ARHGAP26: variants seen among roughly 807,000 people sequenced by gnomAD.
ARHGAP26 encodes Rho GTPase activating protein 26.
A neutral mutation model predicts 104.8 loss-of-function variants in ARHGAP26; 38 were observed. The ratio of observed to expected loss-of-function variants is 0.36; its 90% confidence interval spans 0.28 to 0.48. ARHGAP26 has a LOEUF of 0.48. Among genes scored for constraint, ARHGAP26 ranks in the 20% least tolerant of loss-of-function variants. The pLI is 0.99. For synonymous variants in ARHGAP26, 341 were observed against 340.0 expected (o/e 1.00, Z -0.03); for missense variants, 704 against 947.9 (o/e 0.74, Z 3.38).
chr5:143,217,320 G>A (rs1269543977), intron 22 of ARHGAP26, among the ~76,000 whole-genome samples: 1 of 152,174 alleles, frequency 6.6e-6, no homozygotes, highest in Non-Finnish European at 1.5e-5. Flanking sequence ...AGTGGGAAAT[G>A]GATGTGCAAT....
intron 11 of ARHGAP26, among the ~76,000 whole-genome samples, chr5:142,938,689 G>A (rs984292313): frequency 6.6e-6 from 1 of 152,190 alleles, no homozygotes; most frequent in African/African-American, 2.4e-5. Flanking sequence ...GGCTCAGGAA[G>A]CCAGGGGGAC....
intron 4 of ARHGAP26, 138 bp downstream of exon 4, chr5:142,879,583 ACT>A: frequency 2.6e-6 from 2 of 777,168 alleles, no homozygotes; most frequent in South Asian, 3.8e-5. Context: ...TAGGCAGAAA[ACT>A]CTATAGAGCC....
intron 17 of ARHGAP26, among the ~76,000 whole-genome samples, chr5:143,065,543 C>T (rs1787357849): frequency 6.6e-6 from 1 of 152,174 alleles, no homozygotes; most frequent in African/African-American, 2.4e-5. Flanking sequence ...CTTATGTAAC[C>T]TTGCATGTGA....
At chr5:143,146,146 G>A (rs1216766751) in intron 19 of ARHGAP26, among the ~76,000 whole-genome samples, 1 of 152,016 alleles carries the variant, frequency 6.6e-6, no homozygotes, top group Admixed American at 6.6e-5. Flanking sequence ...ATTTTAATAT[G>A]GTATATCTGT....
At chr5:143,088,389 T>G (rs543413952) in intron 17 of ARHGAP26, among the ~76,000 whole-genome samples, 1 of 152,248 alleles carries the variant, frequency 6.6e-6, no homozygotes, top group East Asian at 1.9e-4. Context: ...GATGGTTGTA[T>G]TGGCTGTTGA....
chr5:142,946,356 T>C (rs777729910), intron 11 of ARHGAP26, among the ~76,000 whole-genome samples: 8 of 152,238 alleles, frequency 5.3e-5, no homozygotes, highest in Non-Finnish European at 8.8e-5. Context: ...ACCTCTCACC[T>C]CCAGCAACAG....
intron 19 of ARHGAP26, among the ~76,000 whole-genome samples, chr5:143,142,155 T>TTTTTA (rs1798618142): frequency 1.4e-5 from 2 of 144,456 alleles, no homozygotes; most frequent in Admixed American, 1.4e-4. Flanking sequence ...TTTTTTTTTT[T>TTTTTA]TGAGACAGTC....
At chr5:143,003,307 T>G (rs990680555) in intron 11 of ARHGAP26, among the ~76,000 whole-genome samples, 1 of 152,346 alleles carries the variant, frequency 6.6e-6, no homozygotes, top group Admixed American at 6.5e-5. Flanking sequence ...CACAGAGAAC[T>G]GCGGTAAGTG....
In ARHGAP26 at chr5:142,818,961, TC is replaced by T. The variant is rs548404911; in HGVS notation, c.154+48048del. Among the ~76,000 whole-genome samples, 213 of 152,240 alleles carry T rather than the reference TC, an allele frequency of 1.4e-3. 2 individuals are homozygous for T. The highest frequency in any genetic ancestry group is 5.0e-3 in the African/African-American group (208 of 41,538). On this transcript the variant is annotated intron_variant, in intron 1 of 22. Coordinates refer to ENST00000645722, the MANE Select transcript of ARHGAP26 (RefSeq NM_001135608.3). ...AGGGTGCTCACCCAGCTTCTAGCCT[TC>T]CTTCAACTCCACCTGGACATTGGAG...
chr5:142,942,592 T>A (rs1330232975), intron 11 of ARHGAP26, among the ~76,000 whole-genome samples: 1 of 152,222 alleles, frequency 6.6e-6, no homozygotes, highest in Non-Finnish European at 1.5e-5. Context: ...AAAGGTTTTT[T>A]GTTCCCACTC....
intron 1 of ARHGAP26, among the ~76,000 whole-genome samples, chr5:142,787,536 A>G (rs1758916412): frequency 1.3e-5 from 2 of 152,182 alleles, no homozygotes; most frequent in South Asian, 2.1e-4. Flanking sequence ...GATGGCTTAC[A>G]TCTCCCTCCC....
At position 143,224,216 on chromosome 5, in the gene ARHGAP26, T is replaced by C. The variant is rs990037505; in HGVS notation, c.*1770T>C. ...GTTAGTTGCTCACACACTTAGGCTT[T>C]GATTGCTGAAGAAGTATGTTTAAGA... On this transcript the variant is annotated 3_prime_UTR_variant, in exon 23 of 23. Transcript: ENST00000645722. 8.6e-6 allele frequency: 2 copies of C among 231,648 alleles called. No individual in the cohort carries two copies. The highest frequency in any genetic ancestry group is 2.2e-5 in the African/African-American group (1 of 45,226). The allele number at this position is 231,648 out of a possible 1,614,324, so 14.3% of individuals were successfully genotyped here.
In ARHGAP26 at chr5:142,889,287, C is replaced by T. The variant is rs569336986; in HGVS notation, c.486+3888C>T. ...GGAGGAGAAAAATGAAAAAATTAGA[C>T]GAGGTCTTTGTTCTCATGGACTTTA... On this transcript the variant is annotated intron_variant, in intron 5 of 22. Transcript: ENST00000645722. Among the ~76,000 whole-genome samples the T allele has an allele frequency of 5.9e-5, 9 of 152,252 alleles. No homozygotes were observed. In the South Asian group the frequency reaches 1.0e-3, roughly 18 times the overall value.
At chr5:143,021,062 A>G (rs977334829) in intron 12 of ARHGAP26, among the ~76,000 whole-genome samples, 7 of 152,364 alleles carry the variant, frequency 4.6e-5, no homozygotes, top group Non-Finnish European at 1.0e-4. Context: ...GAAGAAGGAA[A>G]TATGAACTCA....
chr5:142,991,117 C>T (rs538602825), intron 11 of ARHGAP26, among the ~76,000 whole-genome samples: 370 of 152,290 alleles, frequency 2.4e-3, no homozygotes, highest in African/African-American at 8.5e-3. Flanking sequence ...CCACCCAGTT[C>T]GAGCTTCCTG....
At chr5:143,038,522 G>C (rs561451936) in intron 13 of ARHGAP26, among the ~76,000 whole-genome samples, 4 of 152,060 alleles carry the variant, frequency 2.6e-5, no homozygotes, top group Admixed American at 6.6e-5. Flanking sequence ...ATATGGGCCA[G>C]ATTGAGCCAT....
chr5:143,001,262 G>A (rs752983737), intron 11 of ARHGAP26, among the ~76,000 whole-genome samples: 2 of 152,076 alleles, frequency 1.3e-5, no homozygotes, highest in Non-Finnish European at 2.9e-5. Context: ...GCTTACATGG[G>A]TATATGAAAT....
chr5:143,077,416 C>G (rs905032012), intron 17 of ARHGAP26, among the ~76,000 whole-genome samples: 1 of 152,178 alleles, frequency 6.6e-6, no homozygotes, highest in Non-Finnish European at 1.5e-5. Context: ...AGAGATCTGA[C>G]ATAGAAAACC....
At chr5:143,167,514 A>G (rs1451358396) in intron 20 of ARHGAP26, among the ~76,000 whole-genome samples, 2 of 135,090 alleles carry the variant, frequency 1.5e-5, no homozygotes, top group African/African-American at 5.5e-5. Context: ...AAAAAAAAAA[A>G]AAAAGAAATC....
Sources: allele counts gnomAD v4.1 joint callset (sites outside exome capture counted in the v4.1 genomes callset), GRCh38; gene constraint gnomAD v4.1.1; transcripts MANE v1.5; gene names NCBI Gene and HGNC (gene_info 2026-07-23, HGNC 2026-07-21).